Variants in FRMD6 observed in about 807,000 individuals in gnomAD.
FRMD6 encodes FERM domain-containing protein 6.
FRMD6 carries 37 observed loss-of-function variants against 73.2 expected under a neutral mutation model. The ratio of observed to expected loss-of-function variants is 0.51; its 90% CI spans 0.39 to 0.66. The LOEUF is 0.66. Ranked by LOEUF, FRMD6 falls within the 30% of genes least tolerant of loss-of-function variation. The pLI, the probability that FRMD6 is intolerant of heterozygous loss-of-function variation, is 0.00. For synonymous variants in FRMD6, 273 were observed against 282.2 expected (o/e 0.97, Z 0.33); for missense variants, 714 against 780.5 (o/e 0.91, Z 1.02).
chr14:51,658,509 G>A (rs1892996331), intron 1 of FRMD6, among the ~76,000 whole-genome samples: 1 of 152,114 alleles, frequency 6.6e-6, no homozygotes, highest in Admixed American at 6.5e-5. Context: ...TTAAGAAAAT[G>A]TTTCAAAAAT....
intron 2 of FRMD6, among the ~76,000 whole-genome samples, chr14:51,604,859 G>A (rs1890184037): frequency 6.6e-6 from 1 of 152,124 alleles, no homozygotes; most frequent in African/African-American, 2.4e-5. Context: ...GCTAATCTCT[G>A]TATCATTTCA....
chr14:51,396,575 T>C, the FRMD6 span, among the ~76,000 whole-genome samples: 2 of 152,186 alleles, frequency 1.3e-5, no homozygotes, highest in African/African-American at 2.4e-5. Context: ...GGAGTCACCA[T>C]CTGTGCTGAG....
intron 2 of FRMD6, among the ~76,000 whole-genome samples, chr14:51,576,380 A>T (rs1053844106): frequency 1.3e-5 from 2 of 152,148 alleles, no homozygotes; most frequent in African/African-American, 2.4e-5. Context: ...AACATAGAGA[A>T]AGAAGAGTCC....
chr14:51,527,930 C>T (rs959564928), intron 1 of FRMD6, among the ~76,000 whole-genome samples: 1 of 152,110 alleles, frequency 6.6e-6, no homozygotes, highest in Non-Finnish European at 1.5e-5. Flanking sequence ...CACTTAAGCC[C>T]AGGAGTTTGA....
At chr14:51,573,988 C>A (rs1020038305) in intron 2 of FRMD6, among the ~76,000 whole-genome samples, 3 of 152,142 alleles carry the variant, frequency 2.0e-5, no homozygotes, top group African/African-American at 7.2e-5. Flanking sequence ...AAATTCATCA[C>A]CCTCTTCAAC....
chr14:51,600,469 C>T (rs1889978048), intron 2 of FRMD6, among the ~76,000 whole-genome samples: 1 of 152,226 alleles, frequency 6.6e-6, no homozygotes, highest in Non-Finnish European at 1.5e-5. Flanking sequence ...GAAGAGTTCA[C>T]TGTGAATATT....
upstream of FRMD6, among the ~76,000 whole-genome samples, chr14:51,486,200 A>T (rs1882758346): frequency 6.6e-6 from 1 of 151,484 alleles, no homozygotes; most frequent in African/African-American, 2.4e-5. Context: ...ATGCCCGGCT[A>T]ATTTTTTGTA....
chr14:51,401,421 CACAA>C, the FRMD6 span, among the ~76,000 whole-genome samples: 581 of 152,300 alleles, frequency 3.8e-3, 2 homozygotes, highest in African/African-American at 0.013. Flanking sequence ...GTTTGGCGGA[CACAA>C]ACAGTTTCCA....
chr14:51,588,562 A>G (rs1392676432), intron 2 of FRMD6, among the ~76,000 whole-genome samples: 1 of 152,142 alleles, frequency 6.6e-6, no homozygotes, highest in Non-Finnish European at 1.5e-5. Flanking sequence ...ACACGACCCA[A>G]ACAGGGGACA....
the FRMD6 span, among the ~76,000 whole-genome samples, chr14:51,446,123 G>A: frequency 6.6e-6 from 1 of 152,152 alleles, no homozygotes; most frequent in Non-Finnish European, 1.5e-5. Flanking sequence ...GAAATTAGTT[G>A]TATGCCTAGC....
At chr14:51,710,918 A>G (rs1896908422) in intron 7 of FRMD6, among the ~76,000 whole-genome samples, 1 of 152,092 alleles carries the variant, frequency 6.6e-6, no homozygotes, top group Non-Finnish European at 1.5e-5. Flanking sequence ...TAGATTGTGT[A>G]TCATATTGGC....
At chr14:51,459,882 C>CTTTTTTTTT in the FRMD6 span, among the ~76,000 whole-genome samples, 1 of 23,426 alleles carries the variant, frequency 4.3e-5, no homozygotes, top group African/African-American at 2.2e-4. Flanking sequence ...ATTACTGACT[C>CTTTTTTTTT]TCTTTTTTTT....
intron 2 of FRMD6, among the ~76,000 whole-genome samples, chr14:51,600,556 TTAA>T (rs1889981478): frequency 6.6e-6 from 1 of 152,050 alleles, no homozygotes; most frequent in African/African-American, 2.4e-5. Context: ...ATAAAGGAGG[TTAA>T]TAATCCCTTT....
intron 2 of FRMD6, among the ~76,000 whole-genome samples, chr14:51,634,407 G>A (rs979950273): frequency 6.6e-6 from 1 of 152,166 alleles, no homozygotes. Flanking sequence ...ATTAATGAAT[G>A]AATGCTTATC....
chr14:51,641,034 G>A lies in FRMD6; in HGVS notation c.-146-48657G>A, dbSNP rs369120380. Among the ~76,000 whole-genome samples the A allele has an allele frequency of 2.4e-4, 37 of 151,546 alleles. 2 individuals carry two copies. In the East Asian group the frequency reaches 2.5e-3, roughly 10 times the overall value. On this transcript the variant is annotated intron_variant, in intron 2 of 14. Coordinates refer to the FRMD6 transcript ENST00000356218. ...CACCCAGGCTGGAGTACAGTGGCAC[G>A]ATCTCAGCTCACTGCAACCTCCACC...
chr14:51,476,751 GAA>G, the FRMD6 span, among the ~76,000 whole-genome samples: 26 of 152,296 alleles, frequency 1.7e-4, no homozygotes, highest in Admixed American at 4.6e-4. Flanking sequence ...TATCCCTTAA[GAA>G]AACTGAGAAG....
intron 2 of FRMD6, among the ~76,000 whole-genome samples, chr14:51,622,993 C>T (rs1339644290): frequency 1.3e-5 from 2 of 152,156 alleles, no homozygotes; most frequent in Non-Finnish European, 2.9e-5. Flanking sequence ...TGGTCTCGAA[C>T]TCCTAGGCTC....
the FRMD6 span, among the ~76,000 whole-genome samples, chr14:51,439,461 C>T: frequency 6.6e-5 from 10 of 152,030 alleles, no homozygotes; most frequent in South Asian, 1.7e-3. Context: ...CAAGTAGGTA[C>T]GTCAGTCTTT....
chr14:51,716,071 T>C (rs1013729526), intron 10 of FRMD6, among the ~76,000 whole-genome samples: 7 of 152,202 alleles, frequency 4.6e-5, no homozygotes, highest in Admixed American at 4.6e-4. Context: ...TTTGCTGAGA[T>C]GCAGATGAAA....
Sources: gnomAD v4.1 joint callset for allele counts (sites outside exome capture counted in the v4.1 genomes callset) on GRCh38, gnomAD v4.1.1 for gene constraint, MANE v1.5 for transcripts, NCBI Gene and HGNC (gene_info 2026-07-23, HGNC 2026-07-21) for gene names.